The following AFF4 variants were observed in gnomAD, a reference collection of about 807,000 sequenced individuals.
AFF4 encodes the protein AF4/FMR2 family member 4.
In AFF4, 13 loss-of-function variants were observed where a neutral mutation model predicts 124.8. That is an observed-to-expected ratio of 0.10 (90% CI 0.07 to 0.17). AFF4 has a LOEUF of 0.17. Among genes scored for constraint, AFF4 ranks in the 10% least tolerant of loss-of-function variants. AFF4 has a pLI of 1.00. For missense variants in AFF4, 1,092 were observed against 1,403.8 expected (o/e 0.78, Z 3.55); for synonymous variants, 477 against 496.1 (o/e 0.96, Z 0.51).
At chr5:132,889,260 G>A in intron 13 of AFF4, 87 bp from the exon 14 acceptor site, 97 of 890,720 alleles carry the variant, frequency 1.1e-4, no homozygotes, top group East Asian at 3.0e-4. Flanking sequence ...CTGGTAAAAA[G>A]GAAACAAAAT....
At chr5:132,891,322 A>T (rs1278096576) in intron 13 of AFF4, among the ~76,000 whole-genome samples, 4 of 152,190 alleles carry the variant, frequency 2.6e-5, no homozygotes, top group Admixed American at 1.3e-4. Flanking sequence ...CCAGTTAATA[A>T]ATATAATAGC....
In AFF4 at chr5:132,919,693, T is replaced by C. The variant is rs572987513; in HGVS notation, c.1050+7428A>G. On this transcript the variant is annotated intron_variant, in intron 5 of 20. Transcript: ENST00000265343. ...GGCAAAACCCCATCTCTACTAGAAA[T>C]ACAAAAATTAGCCGGGTGTGGTGGC... is the stretch of plus-strand genomic sequence containing the variant. Among the ~76,000 whole-genome samples the C allele has an allele frequency of 5.1e-4, 77 of 152,084 alleles. 1 individual carries two copies. The South Asian group carries it at 0.016, about 31-fold the overall frequency.
chr5:132,941,921 C>T (rs1037126987), intron 1 of AFF4, among the ~76,000 whole-genome samples: 1 of 151,328 alleles, frequency 6.6e-6, no homozygotes. Flanking sequence ...GCAGGAGAAT[C>T]GCTTGAACCC....
At chr5:132,959,033 C>A (rs982512519) in intron 1 of AFF4, among the ~76,000 whole-genome samples, 2 of 152,148 alleles carry the variant, frequency 1.3e-5, no homozygotes, top group African/African-American at 4.8e-5. Context: ...GCTACGTTTC[C>A]TTGCCTAAAA....
chr5:132,928,986 T>TA (rs1761242262), intron 4 of AFF4, among the ~76,000 whole-genome samples: 1 of 152,196 alleles, frequency 6.6e-6, no homozygotes, highest in African/African-American at 2.4e-5. Context: ...GGCATAACAT[T>TA]ATGACCACTG....
chr5:132,887,428 C>A, intron 17 of AFF4, 93 bp downstream of exon 17: 1 of 1,181,834 alleles, frequency 8.5e-7, no homozygotes, highest in Non-Finnish European at 1.2e-6. Context: ...TTACAGAAGT[C>A]TGATTCAAGG....
intron 5 of AFF4, among the ~76,000 whole-genome samples, chr5:132,904,866 T>C (rs1305013797): frequency 6.6e-6 from 1 of 152,000 alleles, no homozygotes; most frequent in Non-Finnish European, 1.5e-5. Context: ...CTGGCCAACA[T>C]GGTGAAACCC....
intron 4 of AFF4, among the ~76,000 whole-genome samples, chr5:132,927,909 AAT>A (rs893506499): frequency 6.6e-6 from 1 of 152,182 alleles, no homozygotes; most frequent in African/African-American, 2.4e-5. Context: ...CTTAATGCCA[AAT>A]ATGTCTGGGT....
intron 1 of AFF4, chr5:132,937,871 GA>G (rs1405428452): frequency 1.3e-5 from 2 of 152,180 alleles, no homozygotes; most frequent in Non-Finnish European, 2.9e-5. Flanking sequence ...AACTTGTATT[GA>G]AAAAGGAAGT....
chr5:132,947,544 CAG>C (rs1263111609), intron 1 of AFF4, among the ~76,000 whole-genome samples: 5 of 152,178 alleles, frequency 3.3e-5, no homozygotes, highest in East Asian at 1.9e-4. Flanking sequence ...TACTGAAAAA[CAG>C]AGTCATTCAA....
rs750992574 is a variant in AFF4, at chr5:132,889,101, T to C, written c.2710A>G (p.Thr904Ala). The C allele has an allele frequency of 6.2e-7, 1 of 1,613,884 alleles. No individual in the cohort carries two copies. The highest frequency in any genetic ancestry group is 1.1e-5 in the South Asian group (1 of 91,086). Reference protein sequence around the residue: ...PTLDSSKPRRTKLVFDDRNYS... With the variant: ...PTLDSSKPRRAKLVFDDRNYS... Reference sequence around the variant, plus strand: ...CACCTGTCATCAAAGACAAGCTTTGTTCTCCGAGGCTTAGAAGAATCAAGA... The same window carrying C: ...CACCTGTCATCAAAGACAAGCTTTGCTCTCCGAGGCTTAGAAGAATCAAGA... Residue 904 changes from threonine (T) to alanine (A), a missense_variant, in exon 14 of 21, where the codon ACA becomes GCA. Thr to Ala is a moderately conservative substitution (Grantham distance 58, BLOSUM62 0). Around this residue, in one of 11 missense-constraint regions of AFF4, gnomAD observed 293 missense variants for 280.2 expected, o/e 1.05. Coordinates refer to ENST00000265343, the MANE Select transcript of AFF4 (RefSeq NM_014423.4).
At chr5:132,926,959 C>T (rs1400337757) in intron 5 of AFF4, 162 bp downstream of exon 5, 4 of 590,606 alleles carry the variant, frequency 6.8e-6, no homozygotes. Flanking sequence ...TGCTAATTAT[C>T]TTCATAACAG....
rs1429230163 is a variant in AFF4 at position 132,955,389 on chromosome 5, GCCT to G, written c.-5+7867_-5+7869del. Reference sequence around the variant, plus strand: ...ACCCACTTCTAGCCAGTATTTCCCTGCCTCCTGTCTGTATCACTATGAGAATCT... The same window carrying G: ...ACCCACTTCTAGCCAGTATTTCCCTGCCTGTCTGTATCACTATGAGAATCT... On this transcript the variant is annotated intron_variant, in intron 1 of 20. Transcript: ENST00000265343. 3.3e-5 allele frequency among the ~76,000 whole-genome samples: 5 copies of G among 152,260 alleles called. No homozygotes were observed. In the East Asian group the frequency reaches 9.7e-4, roughly 29 times the overall value.
intron 19 of AFF4, among the ~76,000 whole-genome samples, chr5:132,884,724 C>A (rs2150064541): frequency 6.6e-6 from 1 of 152,262 alleles, no homozygotes; most frequent in Admixed American, 6.5e-5. Context: ...GGAGAAATCA[C>A]AATCATGTCA....
rs989742648 is a variant in AFF4, at chr5:132,902,350, A to C, written c.1133+92T>G. The C allele has an allele frequency of 1.1e-5, 12 of 1,097,064 alleles. No homozygotes were observed. The African/African-American group carries it at 1.9e-4, about 17-fold the overall frequency. 68.0% of individuals were successfully genotyped at this position (1,097,064 alleles called of 1,614,324 possible). The stretch of plus-strand genomic sequence containing the variant: ...GGTGTCAGCCACCCTGCCCAGCCTC[A>C]ATATTTCTAAATACTGTTCAAAATA... On this transcript the variant is annotated intron_variant, in intron 7 of 20. Coordinates refer to ENST00000265343, the MANE Select transcript of AFF4 (RefSeq NM_014423.4).
intron 5 of AFF4, among the ~76,000 whole-genome samples, chr5:132,919,687 T>C (rs1581304308): frequency 6.6e-6 from 1 of 152,196 alleles, no homozygotes; most frequent in South Asian, 2.1e-4. Context: ...CCATCTCTAC[T>C]AGAAATACAA....
chr5:132,890,170 T>A (rs903558636), intron 13 of AFF4, among the ~76,000 whole-genome samples: 1 of 150,996 alleles, frequency 6.6e-6, no homozygotes, highest in Non-Finnish European at 1.5e-5. Flanking sequence ...TTTATATTTA[T>A]ATAAAAATAT....
At position 132,932,465 on chromosome 5, in the gene AFF4, A is replaced by G. The variant is rs145356061; in HGVS notation, c.919-243T>C. ...TCAAAGGTTTTAAGTTTTTTATCCTATATTTTAGATTAGAAATAATTTTTA... is the reference window on the plus strand; with the variant it reads ...TCAAAGGTTTTAAGTTTTTTATCCTGTATTTTAGATTAGAAATAATTTTTA... On this transcript the variant is annotated intron_variant, in intron 3 of 20. Transcript: ENST00000265343. 1.4e-4 allele frequency among the ~76,000 whole-genome samples: 21 copies of G among 152,340 alleles called. 1 individual carries two copies. In the East Asian group the frequency reaches 3.5e-3, roughly 25 times the overall value.
At chr5:132,919,020 A>G (rs1372483119) in intron 5 of AFF4, among the ~76,000 whole-genome samples, 1 of 151,812 alleles carries the variant, frequency 6.6e-6, no homozygotes, top group Non-Finnish European at 1.5e-5. Flanking sequence ...AGCTGGGATT[A>G]CAGGTGTGCA....
Sources: allele counts gnomAD v4.1 joint callset (sites outside exome capture counted in the v4.1 genomes callset), GRCh38; gene constraint gnomAD v4.1.1; regional missense constraint gnomAD v4.1.1; transcripts MANE v1.5; gene names NCBI Gene and HGNC (gene_info 2026-07-23, HGNC 2026-07-21).